Variants in ADAMTS9 observed in about 807,000 individuals in gnomAD.
ADAMTS9 encodes A disintegrin and metalloproteinase with thrombospondin motifs 9.
Under a neutral mutation model 257.1 loss-of-function variants are expected in ADAMTS9, and 107 were observed. The observed-to-expected ratio is 0.42, with a 90% confidence interval of 0.36 to 0.49. The LOEUF (loss-of-function observed/expected upper bound fraction) is 0.49. ADAMTS9 is among the 20% of genes least tolerant of loss of function. The pLI is 0.03. For missense variants in ADAMTS9, 2,353 were observed against 2,469.1 expected (o/e 0.95, Z 1.00); for synonymous variants, 982 against 880.9 (o/e 1.11, Z -2.03).
chr3:64,609,444 C>T (rs942474674), intron 22 of ADAMTS9, among the ~76,000 whole-genome samples: 1 of 151,650 alleles, frequency 6.6e-6, no homozygotes, highest in African/African-American at 2.4e-5. Context: ...TTGAAGGATA[C>T]AAGATAAACA....
At chr3:64,550,122 G>A (rs1361058039) in intron 31 of ADAMTS9, 1 of 152,038 alleles carries the variant, frequency 6.6e-6, no homozygotes, top group Non-Finnish European at 1.5e-5. Flanking sequence ...AACATATTAC[G>A]ATGTTTGAAA....
intron 12 of ADAMTS9, 60 bp from the exon 13 acceptor site, chr3:64,633,939 T>C (rs919685927): frequency 7.7e-6 from 11 of 1,436,514 alleles, no homozygotes; most frequent in Admixed American, 7.4e-5. Context: ...CCTCTGAACA[T>C]CACTCCTTCA....
chr3:64,645,433 A>G (rs1366162608), intron 11 of ADAMTS9, among the ~76,000 whole-genome samples: 1 of 152,198 alleles, frequency 6.6e-6, no homozygotes, highest in African/African-American at 2.4e-5. Context: ...GCAGCCCAAG[A>G]CAGATTACTG....
intron 28 of ADAMTS9, among the ~76,000 whole-genome samples, chr3:64,574,075 A>G (rs561448891): frequency 2.0e-5 from 3 of 152,310 alleles, no homozygotes; most frequent in Non-Finnish European, 2.9e-5. Context: ...ACTATAAACC[A>G]ATGCCATGTT....
intron 16 of ADAMTS9, among the ~76,000 whole-genome samples, chr3:64,624,036 G>C (rs755491909): frequency 3.3e-5 from 5 of 151,414 alleles, no homozygotes; most frequent in Admixed American, 2.6e-4. Flanking sequence ...CATAGAAGCA[G>C]AGGGTAGAGT....
chr3:64,651,139 G>C lies in ADAMTS9; in HGVS notation c.1341C>G (p.Asn447Lys). Reference sequence around the variant, plus strand: ...TAACTCCTTCTTCTTTACATTTGTTGTTGTCATCATGAGGCATGTTAAACC... The same window carrying C: ...TAACTCCTTCTTCTTTACATTTGTTCTTGTCATCATGAGGCATGTTAAACC... ...GHVFNMPHDD[N>K]NKCKEEGVKS... Residue 447 changes from asparagine to lysine, a missense_variant, in exon 9 of 40, where the codon AAC (asparagine) becomes AAG (lysine). Coordinates refer to ENST00000498707, the MANE Select transcript of ADAMTS9 (RefSeq NM_182920.2). 1.3e-6 allele frequency: 2 copies of C among 1,588,084 alleles called. No homozygotes were observed. Among genetic ancestry groups the C allele is most frequent in the Non-Finnish European group, 1.7e-6 (2 of 1,171,028 alleles).
chr3:64,595,562 C>G (rs1419320249), intron 27 of ADAMTS9, among the ~76,000 whole-genome samples: 1 of 152,222 alleles, frequency 6.6e-6, no homozygotes, highest in Non-Finnish European at 1.5e-5. Context: ...CAGGACAGAA[C>G]TTTGCGAGGA....
chr3:64,625,588 A>C, intron 16 of ADAMTS9, among the ~76,000 whole-genome samples: 1 of 152,152 alleles, frequency 6.6e-6, no homozygotes, highest in Non-Finnish European at 1.5e-5. Flanking sequence ...ATTAGGAATT[A>C]ACTGCATTGA....
rs80311637 is a variant in ADAMTS9, at chr3:64,550,972, C to T, written c.4789G>A (p.Val1597Met). 1.4e-3 allele frequency: 2,259 copies of T among 1,614,210 alleles called. 57 individuals are homozygous for T. The East Asian group carries it at 0.045, about 32-fold the overall frequency. Residue 1597 changes from valine (V) to methionine (M), a missense_variant, in exon 31 of 40, where the codon GTG (valine) becomes ATG (methionine). By Grantham distance (21) the Val-to-Met change is conservative (BLOSUM62 1). Coordinates refer to ENST00000498707, the MANE Select transcript of ADAMTS9 (RefSeq NM_182920.2). ...TCACGGTCCACCGGCCGCTTGCTCACGTCACAGCGTGCCCCATGCACCTCG... is the reference window on the plus strand; with the variant it reads ...TCACGGTCCACCGGCCGCTTGCTCATGTCACAGCGTGCCCCATGCACCTCG... ...KNEVHGARCD[V>M]SKRPVDRESC...
intron 2 of ADAMTS9, among the ~76,000 whole-genome samples, chr3:64,682,281 A>T (rs976523820): frequency 6.6e-6 from 1 of 152,140 alleles, no homozygotes; most frequent in Non-Finnish European, 1.5e-5. Context: ...AGATAATGAT[A>T]ATTAAGTGCT....
At chr3:64,600,994 A>T (rs1269460119) in intron 26 of ADAMTS9, among the ~76,000 whole-genome samples, 1 of 152,198 alleles carries the variant, frequency 6.6e-6, no homozygotes, top group Non-Finnish European at 1.5e-5. Flanking sequence ...GTCCCTACCC[A>T]GGATCCTTTA....
At chr3:64,590,913 C>T (rs571319787) in intron 28 of ADAMTS9, among the ~76,000 whole-genome samples, 31 of 152,176 alleles carry the variant, frequency 2.0e-4, no homozygotes, top group African/African-American at 7.0e-4. Context: ...AAAGGAACAC[C>T]GAAGACCCAT....
At chr3:64,658,454 T>C in intron 4 of ADAMTS9, 48 bp downstream of exon 4, 2 of 1,558,860 alleles carry the variant, frequency 1.3e-6, no homozygotes, top group Non-Finnish European at 1.7e-6. Flanking sequence ...CATTCCCCAA[T>C]GGCACATTTA....
chr3:64,565,060 A>G (rs1026346711), intron 29 of ADAMTS9, among the ~76,000 whole-genome samples: 3 of 152,172 alleles, frequency 2.0e-5, no homozygotes, highest in Non-Finnish European at 4.4e-5. Context: ...TCTTCAAACA[A>G]TTCAATACCA....
At chr3:64,648,983 C>T (rs1436758645) in intron 10 of ADAMTS9, among the ~76,000 whole-genome samples, 6 of 152,220 alleles carry the variant, frequency 3.9e-5, no homozygotes, top group Middle Eastern at 3.4e-3. Flanking sequence ...AAGACACTCC[C>T]AGCAAAAGAA....
rs142450038 is a variant in ADAMTS9, at chr3:64,629,207, A to T, written c.2389+2248T>A. Among the ~76,000 whole-genome samples the T allele has an allele frequency of 7.1e-4, 108 of 152,208 alleles. 1 individual carries two copies. In the East Asian group the frequency reaches 0.018, roughly 25 times the overall value. ...CCTGGATTACTGCAATGATTTCCTA[A>T]TCAATGGCACCGCTTCTGTCCTGTA... On this transcript the variant is annotated intron_variant, in intron 16 of 39. Coordinates refer to ENST00000498707, the MANE Select transcript of ADAMTS9 (RefSeq NM_182920.2).
chr3:64,613,335 T>G lies in ADAMTS9; in HGVS notation c.3354+10A>C. 1 of 1,612,474 alleles carries G rather than the reference T, an allele frequency of 6.2e-7. No homozygotes were observed. Among genetic ancestry groups the G allele is most frequent in the Non-Finnish European group, 8.5e-7 (1 of 1,179,280 alleles). On this transcript the variant is annotated intron_variant, in intron 22 of 39. Coordinates refer to ENST00000498707, the MANE Select transcript of ADAMTS9 (RefSeq NM_182920.2). ...AATGTAGCAGTTAAGAATCTTATCGTTCAAAATACCTGTCCCCAGGGACCC... is the reference window on the plus strand; with the variant it reads ...AATGTAGCAGTTAAGAATCTTATCGGTCAAAATACCTGTCCCCAGGGACCC...
chr3:64,525,148 C>T (rs1379022581), intron 38 of ADAMTS9, among the ~76,000 whole-genome samples: 4 of 152,302 alleles, frequency 2.6e-5, no homozygotes. Flanking sequence ...GTATCCAGAA[C>T]CTACCACAGT....
chr3:64,639,980 T>C (rs1262959533), intron 12 of ADAMTS9, among the ~76,000 whole-genome samples: 1 of 152,216 alleles, frequency 6.6e-6, no homozygotes, highest in Non-Finnish European at 1.5e-5. Flanking sequence ...AGGCAGGAAG[T>C]AGGAATAGTG....
Sources: allele counts gnomAD v4.1 joint callset (sites outside exome capture counted in the v4.1 genomes callset), GRCh38; gene constraint gnomAD v4.1.1; transcripts MANE v1.5; gene names NCBI Gene and HGNC (gene_info 2026-07-23, HGNC 2026-07-21).